The following ABCC11 variants were observed in gnomAD, a reference collection of about 807,000 sequenced individuals.
The protein encoded by ABCC11 is ATP binding cassette subfamily C member 11.
ABCC11 carries 135 observed loss-of-function variants against 149.3 expected under a neutral mutation model. That is an observed-to-expected ratio of 0.90 (90% CI 0.79 to 1.04). The LOEUF (loss-of-function observed/expected upper bound fraction) is 1.04, where lower values mean the gene tolerates loss of function less well. Among genes scored for constraint, ABCC11 ranks in the 50% least tolerant of loss-of-function variants. ABCC11 has a pLI of 0.00. For synonymous variants in ABCC11, 665 were observed against 671.4 expected (o/e 0.99, Z 0.15); for missense variants, 1,680 against 1,722.1 (o/e 0.98, Z 0.43).
chr16:48,212,096 C>A lies in ABCC11; in HGVS notation c.1357-897G>T, dbSNP rs189190742. 1.4e-4 allele frequency among the ~76,000 whole-genome samples: 22 copies of A among 152,310 alleles called. No individual in the cohort carries two copies. In the East Asian group the frequency reaches 4.2e-3, roughly 29 times the overall value. ...CAGTGTCCCATGGGAAGGAAGGCAG[C>A]AGTAGGAGCCTTCTCATAGCTGCTG... On this transcript the variant is annotated intron_variant, in intron 10 of 29. Transcript: ENST00000356608.
intron 26 of ABCC11, among the ~76,000 whole-genome samples, chr16:48,172,850 T>A (rs557301353): frequency 6.6e-6 from 1 of 152,350 alleles, no homozygotes; most frequent in South Asian, 2.1e-4. Flanking sequence ...AGAGGGAATC[T>A]ATCTGGACTT....
At chr16:48,216,069 AC>A (rs780577607) in intron 7 of ABCC11, 44 bp downstream of exon 7, 17 of 1,584,552 alleles carry the variant, frequency 1.1e-5, no homozygotes, top group Admixed American at 6.7e-5. Context: ...GAGCCCTGGG[AC>A]TTCTGGGGCC....
intron 14 of ABCC11, among the ~76,000 whole-genome samples, chr16:48,201,304 G>T (rs1322150181): frequency 6.6e-6 from 1 of 151,934 alleles, no homozygotes; most frequent in Non-Finnish European, 1.5e-5. Context: ...TTGAGACAGG[G>T]TCTCCTCTGT....
intron 3 of ABCC11, among the ~76,000 whole-genome samples, chr16:48,228,709 T>C (rs1217831144): frequency 6.6e-6 from 1 of 152,150 alleles, no homozygotes; most frequent in African/African-American, 2.4e-5. Flanking sequence ...GTGGTTGACA[T>C]TGAAAAAGGA....
At chr16:48,195,801 G>T (rs993472093) in intron 18 of ABCC11, among the ~76,000 whole-genome samples, 1 of 152,072 alleles carries the variant, frequency 6.6e-6, no homozygotes. Flanking sequence ...TTTCAGTGCT[G>T]CTCATGATAA....
At chr16:48,205,812 C>CTT (rs5816589) in intron 12 of ABCC11, among the ~76,000 whole-genome samples, 12,168 of 140,876 alleles carry the variant, frequency 0.086, 540 homozygotes, top group Middle Eastern at 0.11. Flanking sequence ...GTTTTTTCCT[C>CTT]TTTTTTTTTT....
At chr16:48,215,401 G>A (rs987970351) in intron 7 of ABCC11, 57 bp from the exon 8 acceptor site, 35 of 1,578,140 alleles carry the variant, frequency 2.2e-5, no homozygotes, top group Non-Finnish European at 2.0e-5. Context: ...CTTTGACAAG[G>A]GCAGGAGAGT....
intron 1 of ABCC11, among the ~76,000 whole-genome samples, chr16:48,232,480 A>G (rs777419965): frequency 6.6e-6 from 1 of 151,892 alleles, no homozygotes; most frequent in Non-Finnish European, 1.5e-5. Flanking sequence ...CCCTGCTTTC[A>G]CTCTTGGTTT....
chr16:48,207,395 G>A (rs989834615), intron 12 of ABCC11, among the ~76,000 whole-genome samples: 1 of 152,162 alleles, frequency 6.6e-6, no homozygotes, highest in Non-Finnish European at 1.5e-5. Context: ...GCCGGGCATG[G>A]TGGCTCACAT....
At chr16:48,173,381 G>A (rs1385998273) in intron 26 of ABCC11, among the ~76,000 whole-genome samples, 2 of 152,108 alleles carry the variant, frequency 1.3e-5, no homozygotes, top group South Asian at 2.1e-4. Context: ...TCTAAGTTCC[G>A]TGCCTTCATC....
chr16:48,219,033 A>G (rs1190973442), intron 6 of ABCC11, among the ~76,000 whole-genome samples: 2 of 152,198 alleles, frequency 1.3e-5, no homozygotes, highest in Non-Finnish European at 2.9e-5. Context: ...TATGTTCTAC[A>G]TTTTCTATTG....
intron 3 of ABCC11, among the ~76,000 whole-genome samples, chr16:48,229,025 T>C (rs953889847): frequency 6.6e-6 from 1 of 152,090 alleles, no homozygotes; most frequent in African/African-American, 2.4e-5. Context: ...AGATTTCTTT[T>C]GGGGGGTAGG....
intron 9 of ABCC11, 37 bp from the exon 10 acceptor site, chr16:48,213,587 C>A (rs1302698499): frequency 6.5e-7 from 1 of 1,537,264 alleles, no homozygotes; most frequent in Non-Finnish European, 8.8e-7. Context: ...AGGGTCGTGG[C>A]CCTTCCTGCT....
intron 1 of ABCC11, chr16:48,244,492 C>T (rs777027411): frequency 8.8e-6 from 14 of 1,598,994 alleles, no homozygotes; most frequent in Non-Finnish European, 1.2e-5. Flanking sequence ...AGCGTGGACT[C>T]GGCCCGCAAC....
Position 48,224,228 on chromosome 16 carries a change from C to T in ABCC11, c.543+54G>A, listed in dbSNP as rs1567281899. 12 of 1,574,122 alleles carry T rather than the reference C, an allele frequency of 7.6e-6. No homozygotes were observed. The Admixed American group carries it at 1.5e-4, about 19-fold the overall frequency. ...GACTTGAACATGCCCGCAGTTCCAT[C>T]GCTAAACCTCTGAAGCCTAGAGTCC... On this transcript the variant is annotated intron_variant, in intron 5 of 29. Transcript: ENST00000356608.
Position 48,187,395 on chromosome 16 carries a change from G to A in ABCC11, c.2739C>T (p.Thr913=), listed in dbSNP as rs1426704093. The change falls in exon 21 of 30, where the codon ACC becomes ACT. Residue 913 remains threonine, a synonymous_variant. Transcript: ENST00000356608. ...AGTTCAAAAGCCGGCCTATTGGGAT[G>A]GTGTCAAAGAAACTCATGGGGCAGC... is the stretch of plus-strand genomic sequence containing the variant. ...VFRCPMSFFD[T]IPIGRLLNCF... The A allele has an allele frequency of 1.2e-6, 2 of 1,613,736 alleles. No individual in the cohort carries two copies. Among genetic ancestry groups the A allele is most frequent in the Non-Finnish European group, 1.7e-6 (2 of 1,179,884 alleles).
At chr16:48,179,338 T>C (rs1018313401) in intron 23 of ABCC11, among the ~76,000 whole-genome samples, 1 of 152,202 alleles carries the variant, frequency 6.6e-6, no homozygotes, top group Admixed American at 6.5e-5. Context: ...TTAGGGACTC[T>C]TGGGAATTGG....
At position 48,230,309 on chromosome 16, in the gene ABCC11, C is replaced by A. The variant is rs1970345659; in HGVS notation, c.236+128G>T. Reference sequence around the variant, plus strand: ...ATGTGCCTCCCTGGTGTGCCTCAGGCTGCTCTGAAGGGATTTGGCTGTGTA... The same window carrying A: ...ATGTGCCTCCCTGGTGTGCCTCAGGATGCTCTGAAGGGATTTGGCTGTGTA... On this transcript the variant is annotated intron_variant, in intron 3 of 29. Coordinates refer to ENST00000356608, the MANE Select transcript of ABCC11 (RefSeq NM_001370497.1). The A allele has an allele frequency of 3.4e-6, 4 of 1,168,380 alleles. No individual in the cohort carries two copies. The African/African-American group carries it at 4.7e-5, about 14-fold the overall frequency. The allele number at this position is 1,168,380 out of a possible 1,614,324, so 72.4% of individuals were successfully genotyped here. A position where few individuals can be genotyped will look rare whatever the true frequency, so the allele number is the denominator to read the frequency against.
rs1967839907 is a variant in ABCC11 at position 48,200,309 on chromosome 16, C to T, written c.2049G>A (p.Gly683=). The change falls in exon 15 of 30, where the codon GGG becomes GGA. Residue 683 remains glycine (G), a synonymous_variant. Coordinates refer to ENST00000356608, the MANE Select transcript of ABCC11 (RefSeq NM_001370497.1). ...GGTGGGTCACCAGGACGACCGTCTT[C>T]CCCCTGAGTGTCTTCTTAATGCACT... ...FEECIKKTLR[G]KTVVLVTHQL... is the part of the protein sequence containing the mutation. The T allele has an allele frequency of 6.2e-7, 1 of 1,614,022 alleles. No individual in the cohort carries two copies. The highest frequency in any genetic ancestry group is 8.5e-7 in the Non-Finnish European group (1 of 1,179,988).
Sources: allele counts gnomAD v4.1 joint callset (sites outside exome capture counted in the v4.1 genomes callset), GRCh38; gene constraint gnomAD v4.1.1; transcripts MANE v1.5; gene names NCBI Gene and HGNC (gene_info 2026-07-23, HGNC 2026-07-21).